ETS1: variants seen among roughly 807,000 people sequenced by gnomAD.
ETS1 encodes protein C-ets-1.
Under a neutral mutation model 58.6 loss-of-function variants are expected in ETS1, and 15 were observed. The ratio of observed to expected loss-of-function variants is 0.26; its 90% CI spans 0.17 to 0.39. The LOEUF (loss-of-function observed/expected upper bound fraction) is 0.39, where lower values mean the gene tolerates loss of function less well. ETS1 is among the 10% of genes least tolerant of loss of function. ETS1 has a pLI of 1.00. For synonymous variants in ETS1, 214 were observed against 218.2 expected (o/e 0.98, Z 0.17); for missense variants, 417 against 610.5 (o/e 0.68, Z 3.34).
intron 1 of ETS1, among the ~76,000 whole-genome samples, chr11:128,582,806 G>C (rs1037240600): frequency 6.6e-6 from 1 of 151,980 alleles, no homozygotes; most frequent in African/African-American, 2.4e-5. Context: ...AGCACAAATG[G>C]TGAAATATTG....
At chr11:128,514,940 A>G in intron 3 of ETS1, among the ~76,000 whole-genome samples, 1 of 151,952 alleles carries the variant, frequency 6.6e-6, no homozygotes, top group Non-Finnish European at 1.5e-5. Flanking sequence ...ATTCTTTCAT[A>G]CTTTCTTACT....
chr11:128,585,120 GAAAGAAGAAAGAAAGAAA>G (rs1565421589), intron 1 of ETS1, among the ~76,000 whole-genome samples: 20 of 17,288 alleles, frequency 1.2e-3, no homozygotes, highest in East Asian at 2.6e-3. Flanking sequence ...AGGAAGGAAA[GAAAGAAGAAAGAAAGAAA>G]AGAAAGAAAG....
intron 2 of ETS1, among the ~76,000 whole-genome samples, chr11:128,557,486 TGTGAGGCCTG>T (rs749968467): frequency 6.6e-6 from 1 of 152,220 alleles, no homozygotes; most frequent in African/African-American, 2.4e-5. Context: ...GTGATAAGTA[TGTGAGGCCTG>T]GTCTTCAATA....
At chr11:128,537,619 C>G (rs993438408) in intron 3 of ETS1, among the ~76,000 whole-genome samples, 1 of 152,182 alleles carries the variant, frequency 6.6e-6, no homozygotes, top group African/African-American at 2.4e-5. Flanking sequence ...CGGGTGCACA[C>G]CTTCCTAGCA....
chr11:128,502,019 G>A (rs1180020008), intron 3 of ETS1, among the ~76,000 whole-genome samples: 1 of 152,196 alleles, frequency 6.6e-6, no homozygotes, highest in Non-Finnish European at 1.5e-5. Context: ...GAGAGAGAGA[G>A]AGAGAGAAAG....
intron 2 of ETS1, among the ~76,000 whole-genome samples, chr11:128,571,199 C>G (rs542472351): frequency 6.6e-6 from 1 of 151,116 alleles, no homozygotes; most frequent in South Asian, 2.1e-4. Context: ...GAGGCCGAGG[C>G]GGGCGGATCA....
At chr11:128,478,706 C>T (rs1036133140) in intron 8 of ETS1, among the ~76,000 whole-genome samples, 2 of 152,190 alleles carry the variant, frequency 1.3e-5, no homozygotes, top group Non-Finnish European at 2.9e-5. Flanking sequence ...TATTCAACTG[C>T]AGTCTAGTTC....
intron 1 of ETS1, among the ~76,000 whole-genome samples, chr11:128,574,946 T>C (rs1864712274): frequency 6.6e-6 from 1 of 152,156 alleles, no homozygotes; most frequent in South Asian, 2.1e-4. Context: ...GGGCAACTAA[T>C]ACCTTCTAGA....
chr11:128,566,053 C>G (rs1401318536), intron 2 of ETS1, among the ~76,000 whole-genome samples: 2 of 152,172 alleles, frequency 1.3e-5, no homozygotes, highest in Non-Finnish European at 2.9e-5. Flanking sequence ...GATAAGAAAA[C>G]GAGGTCTGTT....
At chr11:128,572,915 A>T in intron 2 of ETS1, 147 bp downstream of exon 2, 1 of 597,038 alleles carries the variant, frequency 1.7e-6, no homozygotes, top group Non-Finnish European at 3.0e-6. Context: ...CTTACAATTG[A>T]CATCCTCCAA....
chr11:128,517,177 C>A (rs1863548167), intron 3 of ETS1, among the ~76,000 whole-genome samples: 1 of 152,192 alleles, frequency 6.6e-6, no homozygotes, highest in African/African-American at 2.4e-5. Flanking sequence ...ACTGAGCTAA[C>A]AATGAGGCCA....
At chr11:128,571,118 T>G (rs537098475) in intron 2 of ETS1, among the ~76,000 whole-genome samples, 39 of 151,814 alleles carry the variant, frequency 2.6e-4, no homozygotes, top group South Asian at 1.0e-3. Context: ...GAGTTTTTGG[T>G]TTTTTTTAAT....
At chr11:128,493,350 T>C (rs1862852438) in intron 3 of ETS1, among the ~76,000 whole-genome samples, 1 of 152,238 alleles carries the variant, frequency 6.6e-6, no homozygotes, top group African/African-American at 2.4e-5. Context: ...CACGTAGGTT[T>C]CTGCTTCCTG....
At chr11:128,555,581 C>T (rs1358773525) in intron 3 of ETS1, among the ~76,000 whole-genome samples, 1 of 151,982 alleles carries the variant, frequency 6.6e-6, no homozygotes, top group Non-Finnish European at 1.5e-5. Context: ...TTTCAAAATT[C>T]CCAAATTCAA....
At chr11:128,504,293 G>A (rs1417365876) in intron 3 of ETS1, among the ~76,000 whole-genome samples, 10 of 152,150 alleles carry the variant, frequency 6.6e-5, no homozygotes, top group Admixed American at 2.0e-4. Context: ...CTATCAGCCC[G>A]AGTCCTCTCC....
chr11:128,508,775 G>A (rs1863309869), intron 3 of ETS1, among the ~76,000 whole-genome samples: 1 of 152,254 alleles, frequency 6.6e-6, no homozygotes, highest in Non-Finnish European at 1.5e-5. Context: ...ATTTAGAGAA[G>A]ATTCGTAAAG....
chr11:128,477,161 C>A (rs4937337), intron 8 of ETS1, among the ~76,000 whole-genome samples: 45,131 of 152,184 alleles, frequency 0.3, 7,806 homozygotes, highest in Middle Eastern at 0.41. Flanking sequence ...GATTCTCTTC[C>A]CAGCTTGGAG....
chr11:128,571,518 A>G (rs1864633044), intron 2 of ETS1, among the ~76,000 whole-genome samples: 6 of 44,600 alleles, frequency 1.3e-4, no homozygotes, highest in African/African-American at 5.1e-4. Context: ...AAAAAAAAAA[A>G]AAAAAAAAAA....
rs570671617 is a variant in ETS1, at chr11:128,463,813, C to T, written c.1124-186G>A. The T allele has an allele frequency of 2.8e-4, 128 of 450,166 alleles. No homozygotes were observed. Among genetic ancestry groups the T allele is most frequent in the Admixed American group, 4.7e-4 (13 of 27,558 alleles). The allele number at this position is 450,166 out of a possible 1,614,324, so 27.9% of individuals were successfully genotyped here. A position where few individuals can be genotyped will look rare whatever the true frequency, so the allele number is the denominator to read the frequency against. On this transcript the variant is annotated intron_variant, in intron 8 of 9. Coordinates refer to ENST00000392668, the MANE Select transcript of ETS1 (RefSeq NM_001143820.2). The surrounding 1 kb of genome is among the most constrained non-coding windows in gnomAD (Gnocchi z 4.1). ...CTCGAACAGATAGAAAAGACAAAGG[C>T]CTCCCTATAAAACAAAAGCATGGAA...
Sources: allele counts gnomAD v4.1 joint callset (sites outside exome capture counted in the v4.1 genomes callset), GRCh38; gene constraint gnomAD v4.1.1; non-coding constraint Gnocchi (gnomAD v3.1); transcripts MANE v1.5; gene names NCBI Gene and HGNC (gene_info 2026-07-23, HGNC 2026-07-21).